The following BACH2 variants were observed in gnomAD, a reference collection of about 807,000 sequenced individuals.
BACH2 encodes BACH transcriptional regulator 2.
In BACH2, 5 loss-of-function variants were observed where a neutral mutation model predicts 61.8. The ratio of observed to expected loss-of-function variants is 0.08; its 90% CI spans 0.04 to 0.17. The LOEUF (loss-of-function observed/expected upper bound fraction) is 0.17, where lower values mean the gene tolerates loss of function less well. Among genes scored for constraint, BACH2 ranks in the 10% least tolerant of loss-of-function variants. The pLI is 1.00. For synonymous variants in BACH2, 446 were observed against 440.1 expected (o/e 1.01, Z -0.17); for missense variants, 824 against 1,091.1 (o/e 0.76, Z 3.45).
chr6:90,240,868 A>G (rs986335329), intron 3 of BACH2, among the ~76,000 whole-genome samples: 4 of 152,198 alleles, frequency 2.6e-5, no homozygotes, highest in African/African-American at 9.6e-5. Context: ...GCTAACTTCC[A>G]TTAAATATAA....
At chr6:90,162,501 G>A (rs1767436248) in intron 4 of BACH2, among the ~76,000 whole-genome samples, 1 of 152,072 alleles carries the variant, frequency 6.6e-6, no homozygotes, top group Admixed American at 6.5e-5. Flanking sequence ...AATTAGCTGG[G>A]CGTGGTGGCA....
intron 4 of BACH2, among the ~76,000 whole-genome samples, chr6:90,178,214 G>A (rs1768041690): frequency 6.6e-6 from 1 of 152,150 alleles, no homozygotes; most frequent in Admixed American, 6.5e-5. Context: ...CGGAGAGAAT[G>A]AAATGTCAGC....
chr6:90,266,885 G>C (rs1771350624), intron 2 of BACH2, among the ~76,000 whole-genome samples: 3 of 152,134 alleles, frequency 2.0e-5, no homozygotes, highest in Non-Finnish European at 2.9e-5. Context: ...TTGTACACTT[G>C]AGGAGGGTTA....
intron 5 of BACH2, among the ~76,000 whole-genome samples, chr6:90,038,705 T>C (rs150367490): frequency 2.3e-3 from 349 of 152,186 alleles, no homozygotes; most frequent in African/African-American, 8.0e-3. Flanking sequence ...CAAAGATATA[T>C]ATATTTATAG....
At chr6:90,053,374 T>C (rs1218674869) in intron 5 of BACH2, among the ~76,000 whole-genome samples, 1 of 152,138 alleles carries the variant, frequency 6.6e-6, no homozygotes, top group East Asian at 1.9e-4. Context: ...TCAACTCCTG[T>C]GCTCTAGTGA....
chr6:90,082,912 A>G (rs1003066929), intron 5 of BACH2, among the ~76,000 whole-genome samples: 34 of 152,194 alleles, frequency 2.2e-4, no homozygotes, highest in Admixed American at 2.2e-3. Flanking sequence ...TACAGGAAAA[A>G]CATGCTAGAA....
intron 4 of BACH2, among the ~76,000 whole-genome samples, chr6:90,111,916 G>A (rs577621596): frequency 1.2e-4 from 18 of 152,320 alleles, no homozygotes; most frequent in African/African-American, 3.9e-4. Flanking sequence ...GGATGCTTCT[G>A]TGAGTGACAA....
intron 6 of BACH2, among the ~76,000 whole-genome samples, chr6:89,997,624 G>A (rs1403847568): frequency 2.0e-5 from 3 of 152,224 alleles, no homozygotes; most frequent in Non-Finnish European, 2.9e-5. Context: ...TGAGGGTCCT[G>A]TCTGTTAACA....
rs556950403 is a variant in BACH2 at position 89,938,867 on chromosome 6, C to T, written c.1837-517G>A. On this transcript the variant is annotated intron_variant, in intron 7 of 8. Transcript: ENST00000257749. ...GAGGAGATAACTTGGATAGGCTTCA[C>T]TAGCATATAGTAGGAGTCAAAAGAA... Among the ~76,000 whole-genome samples the T allele has an allele frequency of 1.3e-4, 20 of 152,260 alleles. 1 individual carries two copies. The South Asian group carries it at 4.0e-3, about 30-fold the overall frequency.
intron 2 of BACH2, among the ~76,000 whole-genome samples, chr6:90,268,578 G>A (rs1164816231): frequency 6.6e-6 from 1 of 151,898 alleles, no homozygotes; most frequent in Non-Finnish European, 1.5e-5. Context: ...TGTTTAATCA[G>A]GCTTATGTTT....
chr6:90,291,633 T>C (rs1309735210), intron 1 of BACH2, among the ~76,000 whole-genome samples: 1 of 150,726 alleles, frequency 6.6e-6, no homozygotes, highest in East Asian at 1.9e-4. Flanking sequence ...AAGGTGAAAG[T>C]TGAGTTGTAT....
intron 6 of BACH2, among the ~76,000 whole-genome samples, chr6:90,000,504 T>C (rs1721467543): frequency 6.6e-6 from 1 of 152,226 alleles, no homozygotes; most frequent in Admixed American, 6.5e-5. Flanking sequence ...AGAAGACTGT[T>C]CTTTCCTTTT....
At chr6:90,285,367 C>T (rs1771988638) in intron 1 of BACH2, among the ~76,000 whole-genome samples, 1 of 152,194 alleles carries the variant, frequency 6.6e-6, no homozygotes, top group Non-Finnish European at 1.5e-5. Flanking sequence ...GGACACACTG[C>T]TTTGCACTGA....
In BACH2 at chr6:90,176,740, G is replaced by A. The variant is rs186536531; in HGVS notation, c.-162+29829C>T. On this transcript the variant is annotated intron_variant, in intron 4 of 8. Coordinates refer to ENST00000257749, the MANE Select transcript of BACH2 (RefSeq NM_021813.4). ...TGACAGAGTCCAATTGCCCAAACCA[G>A]ATGCAATGCCCTCATTATGTCTTAC... is the stretch of plus-strand genomic sequence containing the variant. 2.1e-3 allele frequency among the ~76,000 whole-genome samples: 314 copies of A among 152,252 alleles called. 3 individuals carry two copies. The highest frequency in any genetic ancestry group is 6.9e-3 in the African/African-American group (287 of 41,530).
chr6:90,255,362 C>G, intron 2 of BACH2, among the ~76,000 whole-genome samples: 1 of 152,260 alleles, frequency 6.6e-6, no homozygotes, highest in East Asian at 1.9e-4. Context: ...ACAGTTCTAT[C>G]ATCAAGTTTT....
chr6:90,051,710 T>A (rs2127794817), intron 5 of BACH2, among the ~76,000 whole-genome samples: 1 of 152,304 alleles, frequency 6.6e-6, no homozygotes, highest in South Asian at 2.1e-4. Flanking sequence ...GTCTTTTTTT[T>A]TACCTTCTCA....
At chr6:90,174,073 T>C (rs1767910038) in intron 4 of BACH2, among the ~76,000 whole-genome samples, 2 of 152,132 alleles carry the variant, frequency 1.3e-5, no homozygotes, top group African/African-American at 4.8e-5. Flanking sequence ...AATATGTTCC[T>C]AATAATGTAT....
intron 1 of BACH2, among the ~76,000 whole-genome samples, chr6:90,295,329 C>G (rs1353795864): frequency 2.6e-5 from 4 of 152,198 alleles, no homozygotes; most frequent in African/African-American, 9.6e-5. Context: ...CGCCCGCGAC[C>G]CCAGAAGCCA....
chr6:90,066,257 C>G (rs1395890141), intron 5 of BACH2, among the ~76,000 whole-genome samples: 2 of 152,138 alleles, frequency 1.3e-5, no homozygotes, highest in Non-Finnish European at 2.9e-5. Flanking sequence ...GAACACTGCA[C>G]AGGAATTCAC....
Sources: allele counts gnomAD v4.1 joint callset (sites outside exome capture counted in the v4.1 genomes callset), GRCh38; gene constraint gnomAD v4.1.1; transcripts MANE v1.5; gene names NCBI Gene and HGNC (gene_info 2026-07-23, HGNC 2026-07-21).